The following RBFOX1 variants were observed in gnomAD, a reference collection of about 807,000 sequenced individuals.
The protein encoded by RBFOX1 is RNA binding fox-1 homolog 1, also known as RNA binding protein fox-1 homolog 1.
A neutral mutation model predicts 57.7 loss-of-function variants in RBFOX1; 8 were observed. The ratio of observed to expected loss-of-function variants is 0.14; its 90% CI spans 0.08 to 0.25. The LOEUF (loss-of-function observed/expected upper bound fraction) is 0.25. Ranked by LOEUF, RBFOX1 falls within the 10% of genes least tolerant of loss-of-function variation. The pLI is 1.00. For missense variants in RBFOX1, 611 were observed against 548.5 expected, an observed-to-expected ratio of 1.11 and a Z score of -1.14; for synonymous variants, 326 against 222.4, an observed-to-expected ratio of 1.47 and a Z score of -4.15.
chr16:7,437,394 C>G (rs1054915593), intron 4 of RBFOX1, among the ~76,000 whole-genome samples: 25 of 152,068 alleles, frequency 1.6e-4, no homozygotes, highest in Non-Finnish European at 3.1e-4. Context: ...ATCATAGGCT[C>G]TCCCATGTCA....
intron 3 of RBFOX1, among the ~76,000 whole-genome samples, chr16:7,043,367 A>G (rs904397818): frequency 2.0e-5 from 3 of 152,152 alleles, no homozygotes; most frequent in African/African-American, 7.2e-5. Context: ...TCATTTAGAT[A>G]CACACCCCCT....
intron 1 of RBFOX1, among the ~76,000 whole-genome samples, chr16:6,311,374 TA>T (rs2080291557): frequency 6.6e-6 from 1 of 150,674 alleles, no homozygotes; most frequent in Non-Finnish European, 1.5e-5. Flanking sequence ...TCAACAAATA[TA>T]AAGGGAGAAA....
intron 3 of RBFOX1, among the ~76,000 whole-genome samples, chr16:6,966,893 CTCCATCCATCCATCCATCCA>C (rs35524908): frequency 1.1e-3 from 169 of 149,596 alleles, no homozygotes; most frequent in African/African-American, 4.0e-3. Flanking sequence ...CTATTCATCT[CTCCATCCATCCATCCATCCA>C]TCCATCCATC....
intron 2 of RBFOX1, among the ~76,000 whole-genome samples, chr16:6,616,093 G>A (rs2098137074): frequency 6.6e-6 from 1 of 152,114 alleles, no homozygotes; most frequent in Non-Finnish European, 1.5e-5. Flanking sequence ...TGAGGACAGG[G>A]CCCCAATCCC....
At chr16:7,666,959 T>G (rs747550166) in intron 13 of RBFOX1, among the ~76,000 whole-genome samples, 2 of 152,180 alleles carry the variant, frequency 1.3e-5, no homozygotes, top group Admixed American at 6.5e-5. Context: ...TTGTCTGATA[T>G]GTTTGTTCAT....
intron 4 of RBFOX1, among the ~76,000 whole-genome samples, chr16:7,475,782 G>A (rs546763018): frequency 1.4e-4 from 22 of 152,212 alleles, no homozygotes; most frequent in African/African-American, 4.8e-4. Context: ...TAAAGTATTA[G>A]GGTAGCTAAC....
intron 3 of RBFOX1, among the ~76,000 whole-genome samples, chr16:5,808,202 G>C (rs954404741): frequency 5.9e-5 from 9 of 152,188 alleles, no homozygotes; most frequent in African/African-American, 2.2e-4. Context: ...CATTAGGACA[G>C]AGGCATGTAC....
intron 2 of RBFOX1, among the ~76,000 whole-genome samples, chr16:5,484,321 G>A (rs1567149019): frequency 1.3e-5 from 2 of 152,164 alleles, no homozygotes; most frequent in Non-Finnish European, 2.9e-5. Flanking sequence ...CTAGTTTCCT[G>A]CCACACAAAC....
intron 1 of RBFOX1, among the ~76,000 whole-genome samples, chr16:6,258,011 C>G (rs1389499029): frequency 6.6e-6 from 1 of 152,174 alleles, no homozygotes; most frequent in Non-Finnish European, 1.5e-5. Flanking sequence ...CTGCCTTCTA[C>G]AAAGGTTGAA....
intron 3 of RBFOX1, among the ~76,000 whole-genome samples, chr16:6,676,900 C>G (rs1024194377): frequency 6.6e-6 from 1 of 151,780 alleles, no homozygotes; most frequent in East Asian, 2.0e-4. Flanking sequence ...GGTTTTGAAC[C>G]CTTGACCTCA....
intron 1 of RBFOX1, among the ~76,000 whole-genome samples, chr16:6,048,969 T>C (rs886855253): frequency 1.3e-5 from 2 of 151,896 alleles, no homozygotes; most frequent in Non-Finnish European, 2.9e-5. Context: ...GAAGGAGCAA[T>C]GTCAAGCTGT....
At chr16:7,137,129 A>G (rs936292760) in intron 4 of RBFOX1, among the ~76,000 whole-genome samples, 4 of 152,214 alleles carry the variant, frequency 2.6e-5, no homozygotes, top group African/African-American at 9.6e-5. Flanking sequence ...TAAATACCTA[A>G]AGAATGATGC....
intron 2 of RBFOX1, among the ~76,000 whole-genome samples, chr16:6,620,687 A>G (rs1429849293): frequency 1.3e-5 from 2 of 152,196 alleles, no homozygotes; most frequent in Non-Finnish European, 2.9e-5. Context: ...CCCTGGGCCC[A>G]CAGAAATACA....
At chr16:7,228,615 A>G (rs1320139241) in intron 4 of RBFOX1, among the ~76,000 whole-genome samples, 2 of 152,206 alleles carry the variant, frequency 1.3e-5, no homozygotes, top group Non-Finnish European at 2.9e-5. Flanking sequence ...CCTGATTCAA[A>G]TCTTGGGCTA....
At chr16:6,084,375 C>G (rs1297368617) in intron 1 of RBFOX1, among the ~76,000 whole-genome samples, 1 of 152,102 alleles carries the variant, frequency 6.6e-6, no homozygotes, top group Non-Finnish European at 1.5e-5. Context: ...TCCCAGGCAG[C>G]TGGGACCATA....
Position 5,986,511 on chromosome 16 carries a change from T to G in RBFOX1, c.351+119176T>G, listed in dbSNP as rs556659828. On this transcript the variant is annotated intron_variant, in intron 4 of 19. Coordinates refer to the RBFOX1 transcript ENST00000641259. ...TATCGAATCATTCCATTACTGTAAG[T>G]GTCCCTTTCATACCCACATTCACCT... 3.9e-5 allele frequency among the ~76,000 whole-genome samples: 6 copies of G among 152,344 alleles called. No homozygotes were observed. In the South Asian group the frequency reaches 1.2e-3, roughly 32 times the overall value.
Position 6,919,316 on chromosome 16 carries a change from T to C in RBFOX1, c.-15-132741T>C, listed in dbSNP as rs1041577287. Among the ~76,000 whole-genome samples, 3 of 152,262 alleles carry C rather than the reference T, an allele frequency of 2.0e-5. No individual in the cohort carries two copies. In the South Asian group the frequency reaches 6.2e-4, roughly 32 times the overall value. On this transcript the variant is annotated intron_variant, in intron 3 of 15. Coordinates refer to ENST00000550418, the MANE Select transcript of RBFOX1 (RefSeq NM_018723.4). ...GAGGTAATGTTTCTTGACCAATTCC[T>C]ATTTATCCTGTTTACATGTATTAAT...
Position 6,218,712 on chromosome 16 carries a change from T to C in RBFOX1, c.-126-98283T>C, listed in dbSNP as rs1442238624. On this transcript the variant is annotated intron_variant, in intron 1 of 15. Coordinates refer to ENST00000550418, the MANE Select transcript of RBFOX1 (RefSeq NM_018723.4). ...CATTGTTCTACATGGAAAATTTGTG[T>C]CCGTGGAATTAAATAATATAATCCC... 2.0e-5 allele frequency among the ~76,000 whole-genome samples: 3 copies of C among 152,196 alleles called. No homozygotes were observed. In the East Asian group the frequency reaches 5.8e-4, roughly 29 times the overall value.
chr16:5,791,079 G>T (rs554012927), intron 3 of RBFOX1, among the ~76,000 whole-genome samples: 60 of 152,070 alleles, frequency 3.9e-4, no homozygotes, highest in Non-Finnish European at 7.8e-4. Flanking sequence ...ATGTTGACCA[G>T]GCCGGTCTCA....
Sources: gnomAD v4.1 joint callset for allele counts (sites outside exome capture counted in the v4.1 genomes callset) on GRCh38, gnomAD v4.1.1 for gene constraint, MANE v1.5 for transcripts, NCBI Gene and HGNC (gene_info 2026-07-23, HGNC 2026-07-21) for gene names.